ELOC: variants seen among roughly 807,000 people sequenced by gnomAD.
ELOC encodes elongin-C.
For missense variants in ELOC, 38 were observed against 139.0 expected (o/e 0.27, Z 3.65); for synonymous variants, 40 against 51.3 (o/e 0.78, Z 0.94).
chr8:73,971,246 T>A (rs1045389648), intron 1 of ELOC, among the ~76,000 whole-genome samples: 1 of 151,412 alleles, frequency 6.6e-6, no homozygotes, highest in Admixed American at 6.6e-5. Context: ...TCTCTACTAA[T>A]AATAGATTAG....
intron 3 of ELOC, among the ~76,000 whole-genome samples, chr8:73,952,033 A>G (rs1018126379): frequency 6.6e-6 from 1 of 152,250 alleles, no homozygotes; most frequent in Non-Finnish European, 1.5e-5. Context: ...ACCTAAATTT[A>G]AGAGCCAAAC....
intron 1 of ELOC, chr8:73,964,557 A>G (rs1814839851): frequency 6.6e-6 from 1 of 152,112 alleles, no homozygotes. Flanking sequence ...ACACTTTGGG[A>G]GGGAGATCAC....
intron 3 of ELOC, among the ~76,000 whole-genome samples, chr8:73,951,133 T>C (rs1447209070): frequency 6.6e-6 from 1 of 151,876 alleles, no homozygotes; most frequent in Non-Finnish European, 1.5e-5. Context: ...TAGCTGGGCG[T>C]GGTGGCGGCA....
At chr8:73,951,926 G>A (rs185092437) in intron 3 of ELOC, among the ~76,000 whole-genome samples, 8 of 152,168 alleles carry the variant, frequency 5.3e-5, no homozygotes, top group East Asian at 1.9e-4. Context: ...ATGGGGAAAC[G>A]GTCTCTTCAA....
chr8:73,959,688 C>T (rs1034344799), intron 2 of ELOC, 77 bp downstream of exon 2: 9 of 1,288,242 alleles, frequency 7.0e-6, no homozygotes, highest in Admixed American at 2.6e-5. Flanking sequence ...TACTTGTGTT[C>T]ACTGAATTTT....
At chr8:73,954,154 G>T (rs1002214477) in intron 3 of ELOC, among the ~76,000 whole-genome samples, 1 of 152,166 alleles carries the variant, frequency 6.6e-6, no homozygotes, top group Non-Finnish European at 1.5e-5. Flanking sequence ...AAAGCAGACT[G>T]GTGGTAGTCA....
intron 1 of ELOC, among the ~76,000 whole-genome samples, chr8:73,960,178 G>A (rs1037157477): frequency 2.0e-5 from 3 of 152,152 alleles, no homozygotes; most frequent in Non-Finnish European, 4.4e-5. Context: ...TACATACACG[G>A]AACATAATTA....
chr8:73,952,421 TATTA>T (rs1354731804), intron 3 of ELOC, among the ~76,000 whole-genome samples: 3 of 146,686 alleles, frequency 2.0e-5, no homozygotes, highest in African/African-American at 7.6e-5. Context: ...TAAATAAATA[TATTA>T]ATTAATTTAA....
intron 3 of ELOC, among the ~76,000 whole-genome samples, chr8:73,951,511 G>C (rs1057003431): frequency 6.6e-6 from 1 of 151,962 alleles, no homozygotes; most frequent in Non-Finnish European, 1.5e-5. Flanking sequence ...TTTAAAAAAA[G>C]GTGCATGCCT....
intron 1 of ELOC, chr8:73,969,575 T>C (rs533638094): frequency 6.6e-6 from 1 of 152,344 alleles, no homozygotes; most frequent in South Asian, 2.1e-4. Context: ...GGTCTTTGCA[T>C]TTGTAATTGC....
chr8:73,962,716 C>T (rs747899027), intron 1 of ELOC, among the ~76,000 whole-genome samples: 6 of 152,166 alleles, frequency 3.9e-5, no homozygotes, highest in Non-Finnish European at 8.8e-5. Flanking sequence ...TGCAAAGTCA[C>T]ATCTTAGGAG....
At chr8:73,956,174 T>G (rs1586603235) in intron 2 of ELOC, 120 bp from the exon 3 acceptor site, 1 of 901,140 alleles carries the variant, frequency 1.1e-6, no homozygotes, top group South Asian at 1.8e-5. Flanking sequence ...GCCAATCACC[T>G]GAGGTCAGGA....
intron 1 of ELOC, among the ~76,000 whole-genome samples, chr8:73,960,190 C>T (rs183148141): frequency 4.6e-5 from 7 of 152,140 alleles, no homozygotes; most frequent in South Asian, 2.1e-4. Context: ...ACATAATTAT[C>T]GAGAAAAAAC....
At chr8:73,966,324 T>C (rs959438217) in intron 1 of ELOC, among the ~76,000 whole-genome samples, 2 of 152,012 alleles carry the variant, frequency 1.3e-5, no homozygotes, top group African/African-American at 2.4e-5. Context: ...CAGCTTTTTA[T>C]GGAGGGAGAA....
chr8:73,960,848 A>T (rs1814539788), intron 1 of ELOC, among the ~76,000 whole-genome samples: 1 of 152,162 alleles, frequency 6.6e-6, no homozygotes, highest in Admixed American at 6.6e-5. Flanking sequence ...GCAGTGGCTC[A>T]CACCTGTAAT....
At chr8:73,956,438 T>C (rs967762954) in intron 2 of ELOC, among the ~76,000 whole-genome samples, 2 of 152,202 alleles carry the variant, frequency 1.3e-5, no homozygotes, top group Non-Finnish European at 2.9e-5. Context: ...AGGTTAATAT[T>C]TGAAGAACTC....
intron 1 of ELOC, among the ~76,000 whole-genome samples, chr8:73,962,643 C>G (rs1814684937): frequency 6.6e-6 from 1 of 151,820 alleles, no homozygotes; most frequent in South Asian, 2.1e-4. Context: ...ACTCTTTTAT[C>G]TGGAAAATCC....
rs1326142605 is a variant in ELOC, at chr8:73,945,284, A to C, written c.*1346T>G. 4 of 151,930 alleles carry C rather than the reference A, an allele frequency of 2.6e-5. No homozygotes were observed. Among genetic ancestry groups the C allele is most frequent in the Admixed American group, 2.6e-4 (4 of 15,232 alleles). The allele number at this position is 151,930 out of a possible 1,614,324, so 9.4% of individuals were successfully genotyped here. ...AGGCGTGTGCCACCATGGCCTAGCT[A>C]ATTTTTGCATTTTTGGTAGAGATGG... On this transcript the variant is annotated 3_prime_UTR_variant, in exon 4 of 4. Coordinates refer to ENST00000520242, the MANE Select transcript of ELOC (RefSeq NM_005648.4).
chr8:73,970,418 T>C (rs1815274727), intron 1 of ELOC, among the ~76,000 whole-genome samples: 1 of 152,216 alleles, frequency 6.6e-6, no homozygotes, highest in Admixed American at 6.5e-5. Flanking sequence ...TAGTGCCTAT[T>C]ATATTACAGA....
Sources: allele counts gnomAD v4.1 joint callset (sites outside exome capture counted in the v4.1 genomes callset), GRCh38; gene constraint gnomAD v4.1.1; transcripts MANE v1.5; gene names NCBI Gene and HGNC (gene_info 2026-07-23, HGNC 2026-07-21).